Variants in NR3C2 observed in about 807,000 individuals in gnomAD.
NR3C2 encodes nuclear receptor subfamily 3 group C member 2.
A neutral mutation model predicts 86.4 loss-of-function variants in NR3C2; 15 were observed. That is an observed-to-expected ratio of 0.17 (90% CI 0.12 to 0.27). The LOEUF (loss-of-function observed/expected upper bound fraction) is 0.27. NR3C2 is among the 10% of genes least tolerant of loss of function. NR3C2 has a pLI of 1.00. For missense variants in NR3C2, 960 were observed against 1,195.6 expected (o/e 0.80, Z 2.91); for synonymous variants, 458 against 450.5 (o/e 1.02, Z -0.21).
chr4:148,096,343 GCAA>G (rs1012688791), intron 8 of NR3C2, among the ~76,000 whole-genome samples: 38 of 152,168 alleles, frequency 2.5e-4, no homozygotes, highest in Non-Finnish European at 2.5e-4. Flanking sequence ...GATCCTTCTT[GCAA>G]ATGTACACTA....
chr4:148,304,538 G>A (rs530980633), intron 2 of NR3C2, among the ~76,000 whole-genome samples: 1 of 152,142 alleles, frequency 6.6e-6, no homozygotes, highest in South Asian at 2.1e-4. Context: ...TTCTGCTGGG[G>A]ACCCTTAGAT....
chr4:148,375,824 G>T (rs1370517622), intron 2 of NR3C2, among the ~76,000 whole-genome samples: 2 of 152,104 alleles, frequency 1.3e-5, no homozygotes, highest in Admixed American at 6.6e-5. Context: ...AACACAAGGG[G>T]AAGCAAGTTA....
chr4:148,288,885 G>A (rs1032201351), intron 2 of NR3C2, among the ~76,000 whole-genome samples: 5 of 152,042 alleles, frequency 3.3e-5, no homozygotes, highest in Non-Finnish European at 7.4e-5. Flanking sequence ...GTTTCTGGTG[G>A]GAATAAGTTT....
chr4:148,443,699 C>T (rs1208313626), upstream of NR3C2, among the ~76,000 whole-genome samples: 1 of 152,224 alleles, frequency 6.6e-6, no homozygotes, highest in Admixed American at 6.5e-5. Context: ...AATCTGGTCC[C>T]CCGGCCCTCG....
intron 2 of NR3C2, among the ~76,000 whole-genome samples, chr4:148,301,222 T>TA (rs541861951): frequency 6.6e-5 from 10 of 152,004 alleles, no homozygotes; most frequent in African/African-American, 2.2e-4. Flanking sequence ...TAATGTCTAT[T>TA]AAAAAAAAGA....
chr4:148,257,190 A>C (rs1248772392), intron 3 of NR3C2, among the ~76,000 whole-genome samples: 2 of 152,224 alleles, frequency 1.3e-5, no homozygotes, highest in Admixed American at 6.5e-5. Flanking sequence ...CGAGGGGCTT[A>C]GGGATGTCAA....
intron 2 of NR3C2, among the ~76,000 whole-genome samples, chr4:148,378,293 T>C (rs1290183271): frequency 6.6e-6 from 1 of 152,038 alleles, no homozygotes; most frequent in Admixed American, 6.6e-5. Flanking sequence ...GGAAGACTCA[T>C]ACACTTCTGG....
chr4:148,179,942 A>G (rs1361971417), intron 4 of NR3C2, among the ~76,000 whole-genome samples: 1 of 151,810 alleles, frequency 6.6e-6, no homozygotes, highest in Non-Finnish European at 1.5e-5. Flanking sequence ...TTACTGTTCA[A>G]AAGTCCCATT....
At chr4:148,234,041 A>G (rs1270171560) in intron 3 of NR3C2, among the ~76,000 whole-genome samples, 1 of 152,178 alleles carries the variant, frequency 6.6e-6, no homozygotes, top group Non-Finnish European at 1.5e-5. Context: ...AAACTGAGGT[A>G]TGCCTATATC....
chr4:148,115,500 A>G (rs1578898742), intron 7 of NR3C2, among the ~76,000 whole-genome samples: 1 of 152,310 alleles, frequency 6.6e-6, no homozygotes, highest in South Asian at 2.1e-4. Context: ...TTCACTTCTT[A>G]ATTACCTATT....
chr4:148,085,048 A>G (rs573633852), intron 8 of NR3C2, among the ~76,000 whole-genome samples: 1 of 152,254 alleles, frequency 6.6e-6, no homozygotes, highest in South Asian at 2.1e-4. Flanking sequence ...CCCACACAAT[A>G]ATATTGGGAG....
intron 6 of NR3C2, among the ~76,000 whole-genome samples, chr4:148,122,146 A>G (rs897802630): frequency 3.9e-5 from 6 of 152,116 alleles, no homozygotes; most frequent in Non-Finnish European, 8.8e-5. Context: ...CATTTCCATC[A>G]TCACCAGTAG....
At chr4:148,270,267 A>G (rs1428465514) in intron 2 of NR3C2, among the ~76,000 whole-genome samples, 4 of 152,214 alleles carry the variant, frequency 2.6e-5, no homozygotes, top group Non-Finnish European at 5.9e-5. Flanking sequence ...TGCCCTTGGT[A>G]CTGCCCTCTC....
chr4:148,373,720 C>A (rs1039132513), intron 2 of NR3C2, among the ~76,000 whole-genome samples: 2 of 152,052 alleles, frequency 1.3e-5, no homozygotes, highest in Non-Finnish European at 2.9e-5. Context: ...TTGTAATCCA[C>A]CTGCCTCGGC....
intron 2 of NR3C2, among the ~76,000 whole-genome samples, chr4:148,410,079 G>A (rs1325902502): frequency 6.6e-6 from 1 of 151,752 alleles, no homozygotes; most frequent in East Asian, 1.9e-4. Context: ...TAAAAAATTA[G>A]GTACCTTTAA....
At chr4:148,392,383 A>G (rs577609270) in intron 2 of NR3C2, among the ~76,000 whole-genome samples, 2 of 152,378 alleles carry the variant, frequency 1.3e-5, no homozygotes, top group African/African-American at 4.8e-5. Context: ...TCACTATAGG[A>G]AACCAAGTGT....
At chr4:148,125,465 A>G (rs952429546) in intron 6 of NR3C2, among the ~76,000 whole-genome samples, 9 of 152,182 alleles carry the variant, frequency 5.9e-5, no homozygotes, top group Non-Finnish European at 1.0e-4. Context: ...GCATATCTGT[A>G]TTCAATAGTC....
chr4:148,302,866 A>G (rs1487410551), intron 2 of NR3C2, among the ~76,000 whole-genome samples: 1 of 151,798 alleles, frequency 6.6e-6, no homozygotes, highest in East Asian at 1.9e-4. Context: ...AAAAAAAAAA[A>G]AAGTTACTTT....
At chr4:148,337,721 T>C (rs1386911541) in intron 2 of NR3C2, among the ~76,000 whole-genome samples, 1 of 152,172 alleles carries the variant, frequency 6.6e-6, no homozygotes, top group Admixed American at 6.5e-5. Flanking sequence ...TATGGATGAG[T>C]AGAAATATAT....
Sources: allele counts gnomAD v4.1 joint callset (sites outside exome capture counted in the v4.1 genomes callset), GRCh38; gene constraint gnomAD v4.1.1; transcripts MANE v1.5; gene names NCBI Gene and HGNC (gene_info 2026-07-23, HGNC 2026-07-21).